Variants in CDKL3 observed in about 807,000 individuals in gnomAD.
CDKL3 encodes cyclin-dependent kinase-like 3.
CDKL3 carries 65 observed loss-of-function variants against 69.3 expected under a neutral mutation model. The ratio of observed to expected loss-of-function variants is 0.94; its 90% CI spans 0.77 to 1.15. The LOEUF (loss-of-function observed/expected upper bound fraction) is 1.15. Ranked by LOEUF, CDKL3 falls within the 50% of genes most tolerant of loss-of-function variation. CDKL3 has a pLI of 0.00. For synonymous variants in CDKL3, 202 were observed against 221.6 expected (o/e 0.91, Z 0.79); for missense variants, 652 against 689.2 (o/e 0.95, Z 0.61).
chr5:134,353,343 C>T (rs901026373), intron 3 of CDKL3, among the ~76,000 whole-genome samples: 3 of 152,104 alleles, frequency 2.0e-5, no homozygotes, highest in African/African-American at 7.2e-5. Flanking sequence ...TACTCCATAA[C>T]GCAAGCCAGA....
At chr5:134,292,985 G>A (rs1765183963) in intron 8 of CDKL3, among the ~76,000 whole-genome samples, 1 of 141,596 alleles carries the variant, frequency 7.1e-6, no homozygotes, top group Non-Finnish European at 1.5e-5. Context: ...AGGCCCTGTT[G>A]GCCTCACTGC....
At chr5:134,369,956 C>T (rs1561672758), upstream of CDKL3, among the ~76,000 whole-genome samples, 1 of 152,002 alleles carries the variant, frequency 6.6e-6, no homozygotes, top group African/African-American at 2.4e-5. Flanking sequence ...GGCAGAAAGG[C>T]AAAAAAATTA....
intron 3 of CDKL3, among the ~76,000 whole-genome samples, chr5:134,358,901 A>G (rs1755281447): frequency 6.6e-6 from 1 of 152,164 alleles, no homozygotes; most frequent in Non-Finnish European, 1.5e-5. Flanking sequence ...GGTGTGAGCT[A>G]CTATAGCCAG....
At chr5:134,357,640 A>T (rs1754961538) in intron 3 of CDKL3, among the ~76,000 whole-genome samples, 1 of 152,112 alleles carries the variant, frequency 6.6e-6, no homozygotes, top group East Asian at 1.9e-4. Flanking sequence ...TCAAAAAAAA[A>T]TACTGTAATA....
chr5:134,352,846 T>C (rs953948161), intron 3 of CDKL3, among the ~76,000 whole-genome samples: 1 of 152,196 alleles, frequency 6.6e-6, no homozygotes, highest in African/African-American at 2.4e-5. Context: ...AGATGTATGG[T>C]TTGCAAGCAT....
At chr5:134,295,998 G>A (rs895170957), downstream of CDKL3, among the ~76,000 whole-genome samples, 12 of 152,130 alleles carry the variant, frequency 7.9e-5, no homozygotes, top group Non-Finnish European at 1.0e-4. Context: ...CCGGGTTCAC[G>A]CCATTCTCCT....
At chr5:134,371,034 G>C (rs1427771870), upstream of CDKL3, 1 of 174,536 alleles carries the variant, frequency 5.7e-6, no homozygotes, top group Admixed American at 5.8e-5. Context: ...GCGCTCACGT[G>C]ACCCGTTCTA....
chr5:134,339,878 A>T (rs1410882250), intron 4 of CDKL3, among the ~76,000 whole-genome samples: 1 of 152,230 alleles, frequency 6.6e-6, no homozygotes, highest in African/African-American at 2.4e-5. Flanking sequence ...GGCTGGGCAC[A>T]GTAGCTCATT....
chr5:134,317,523 C>A (rs1771469924), intron 6 of CDKL3, among the ~76,000 whole-genome samples: 1 of 152,034 alleles, frequency 6.6e-6, no homozygotes, highest in African/African-American at 2.4e-5. Context: ...CTTTCAGAGG[C>A]CAAGGAGGAA....
chr5:134,320,275 C>T (rs1772360642), intron 5 of CDKL3, among the ~76,000 whole-genome samples: 2 of 152,110 alleles, frequency 1.3e-5, no homozygotes, highest in African/African-American at 2.4e-5. Flanking sequence ...TGCATATCTT[C>T]CCCACCACAC....
At chr5:134,353,776 T>C (rs1753877306) in intron 3 of CDKL3, among the ~76,000 whole-genome samples, 1 of 152,084 alleles carries the variant, frequency 6.6e-6, no homozygotes, top group South Asian at 2.1e-4. Context: ...GCCAGGATGG[T>C]CTCGATCTCT....
At chr5:134,301,663 C>T (rs1281378102) in intron 12 of CDKL3, among the ~76,000 whole-genome samples, 1 of 151,954 alleles carries the variant, frequency 6.6e-6, no homozygotes, top group Non-Finnish European at 1.5e-5. Flanking sequence ...GGGTGGATCA[C>T]GAGGTCAGGA....
At chr5:134,304,651 T>A (rs930570330) in intron 10 of CDKL3, 84 bp from the exon 11 acceptor site, 1 of 1,025,264 alleles carries the variant, frequency 9.8e-7, no homozygotes, top group African/African-American at 1.6e-5. Context: ...GCCATTTGGA[T>A]GGTATAAGAT....
intron 4 of CDKL3, among the ~76,000 whole-genome samples, chr5:134,348,068 C>T (rs1581160098): frequency 6.6e-6 from 1 of 152,084 alleles, no homozygotes; most frequent in South Asian, 2.1e-4. Flanking sequence ...AATGGAGGCA[C>T]ATTTGGGTGA....
downstream of CDKL3, among the ~76,000 whole-genome samples, chr5:134,296,865 G>C (rs562157503): frequency 6.6e-6 from 1 of 151,700 alleles, no homozygotes; most frequent in East Asian, 1.9e-4. Context: ...AGTAGTCTAG[G>C]TTGTAAATCA....
intron 2 of CDKL3, among the ~76,000 whole-genome samples, chr5:134,362,033 T>C (rs554727598): frequency 6.6e-6 from 1 of 152,318 alleles, no homozygotes; most frequent in East Asian, 1.9e-4. Flanking sequence ...TGAATAAGCA[T>C]TGTAGAAGAT....
intron 4 of CDKL3, among the ~76,000 whole-genome samples, chr5:134,332,845 C>G (rs1007431430): frequency 6.6e-6 from 1 of 152,172 alleles, no homozygotes; most frequent in Middle Eastern, 3.2e-3. Context: ...CCAGTGGTAG[C>G]TTTTTGGGGA....
intron 6 of CDKL3, among the ~76,000 whole-genome samples, chr5:134,314,087 G>A (rs1162880493): frequency 1.3e-5 from 2 of 152,162 alleles, no homozygotes; most frequent in East Asian, 1.9e-4. Context: ...GGAGGTTGCG[G>A]TGAGCCAAGA....
Position 134,307,251 on chromosome 5 carries a change from G to A in CDKL3, c.1365-549C>T, listed in dbSNP as rs1364851619. 2.6e-5 allele frequency among the ~76,000 whole-genome samples: 4 copies of A among 152,084 alleles called. No homozygotes were observed. In the South Asian group the frequency reaches 8.3e-4, roughly 32 times the overall value. ...GCATGTTGTGGGGTTACTCCTGCTG[G>A]CCTACTTGCTCCCTTCTACCTGTTC... On this transcript the variant is annotated intron_variant, in intron 9 of 12. Transcript: ENST00000265334.
Sources: gnomAD v4.1 joint callset for allele counts (sites outside exome capture counted in the v4.1 genomes callset) on GRCh38, gnomAD v4.1.1 for gene constraint, MANE v1.5 for transcripts, NCBI Gene and HGNC (gene_info 2026-07-23, HGNC 2026-07-21) for gene names.